Variants in ANKFN1 observed in about 807,000 individuals in gnomAD.
ANKFN1 encodes ankyrin repeat and fibronectin type-III domain-containing protein 1.
Under a neutral mutation model 108.7 loss-of-function variants are expected in ANKFN1, and 74 were observed. The observed-to-expected ratio is 0.68, with a 90% CI of 0.56 to 0.83. The LOEUF (loss-of-function observed/expected upper bound fraction) is 0.83, where lower values mean the gene tolerates loss of function less well. ANKFN1 is among the 40% of genes least tolerant of loss of function. The pLI is 0.00. For missense variants in ANKFN1, 1,505 were observed against 1,382.3 expected, an observed-to-expected ratio of 1.09 and a Z score of -1.41; for synonymous variants, 547 against 516.2, an observed-to-expected ratio of 1.06 and a Z score of -0.81.
chr17:56,409,230 T>A (rs2048015785), intron 8 of ANKFN1, among the ~76,000 whole-genome samples: 1 of 152,162 alleles, frequency 6.6e-6, no homozygotes, highest in Non-Finnish European at 1.5e-5. Context: ...TGGCCAAGAT[T>A]ATTTTTATGT....
rs2050067107 is a variant in ANKFN1, at chr17:56,466,208, C to T, written c.1558-148C>T. On this transcript the variant is annotated intron_variant, in intron 14 of 20. Transcript: ENST00000682825. Reference sequence around the variant, plus strand: ...TCTGTGAAGTACATGTCTATGATGCCATATATTCTAGGTTTAAGTGCAAAA... The same window carrying T: ...TCTGTGAAGTACATGTCTATGATGCTATATATTCTAGGTTTAAGTGCAAAA... 3 of 664,368 alleles carry T rather than the reference C, an allele frequency of 4.5e-6. No individual in the cohort carries two copies. In the Admixed American group the frequency reaches 8.5e-5, roughly 19 times the overall value. 41.2% of individuals were successfully genotyped at this position (664,368 alleles called of 1,614,324 possible).
intron 3 of ANKFN1, among the ~76,000 whole-genome samples, chr17:56,237,024 GT>G (rs1179658062): frequency 1.3e-5 from 2 of 152,070 alleles, no homozygotes; most frequent in Non-Finnish European, 2.9e-5. Flanking sequence ...TAATCATGTT[GT>G]TTTTGTCTTT....
intron 4 of ANKFN1, among the ~76,000 whole-genome samples, chr17:56,104,129 T>C (rs1013091599): frequency 6.6e-6 from 1 of 152,064 alleles, no homozygotes; most frequent in Admixed American, 6.6e-5. Flanking sequence ...AAAGCTGGAG[T>C]TGAAAGGAAA....
At chr17:56,436,455 G>C (rs1020701921) in intron 8 of ANKFN1, among the ~76,000 whole-genome samples, 1 of 152,134 alleles carries the variant, frequency 6.6e-6, no homozygotes, top group African/African-American at 2.4e-5. Context: ...GATTTTCTCA[G>C]GGTTTTAATG....
intron 3 of ANKFN1, among the ~76,000 whole-genome samples, chr17:56,280,368 A>G (rs759508538): frequency 6.6e-6 from 1 of 152,090 alleles, no homozygotes; most frequent in Non-Finnish European, 1.5e-5. Flanking sequence ...TTTGCTTCTT[A>G]AACTGGGATG....
chr17:56,280,217 C>T (rs555230702), intron 3 of ANKFN1, among the ~76,000 whole-genome samples: 6 of 151,938 alleles, frequency 3.9e-5, no homozygotes, highest in African/African-American at 7.2e-5. Flanking sequence ...TATATTTCTA[C>T]GTGTATCTGT....
chr17:56,495,338 A>T (rs62072895), intron 19 of ANKFN1, among the ~76,000 whole-genome samples: 3,955 of 76,794 alleles, frequency 0.052, 63 homozygotes, highest in Admixed American at 0.067. Context: ...TCTCTCTCTC[A>T]CTCACTCACT....
chr17:56,353,863 G>C lies in ANKFN1; in HGVS notation c.418G>C (p.Glu140Gln), dbSNP rs768185507. ...TTTCCAGGGCAATGAAGCCATGTTTGAGGCAGTCGAACAGCAGGACATGGA... is the reference window on the plus strand; with the variant it reads ...TTTCCAGGGCAATGAAGCCATGTTTCAGGCAGTCGAACAGCAGGACATGGA... ...VNFQGNEAMF[E>Q]AVEQQDMDAV... Residue 140 changes from glutamate (E) to glutamine (Q), a missense_variant, in exon 6 of 21, where the codon GAG (glutamate) becomes CAG (glutamine). By Grantham distance (29) the Glu-to-Gln change is conservative (BLOSUM62 2). Coordinates refer to ENST00000682825, the MANE Select transcript of ANKFN1 (RefSeq NM_001370326.1). 1 of 1,613,986 alleles carries C rather than the reference G, an allele frequency of 6.2e-7. No individual in the cohort carries two copies. Among genetic ancestry groups the C allele is most frequent in the South Asian group, 1.1e-5 (1 of 91,084 alleles).
intron 8 of ANKFN1, among the ~76,000 whole-genome samples, chr17:56,439,084 G>A (rs975825441): frequency 1.3e-5 from 2 of 152,180 alleles, no homozygotes; most frequent in African/African-American, 4.8e-5. Context: ...CAAAGCACAA[G>A]AATTTTAGGA....
chr17:56,350,470 G>A (rs12936796), intron 4 of ANKFN1, among the ~76,000 whole-genome samples: 10,759 of 152,152 alleles, frequency 0.071, 471 homozygotes, highest in South Asian at 0.11. Context: ...GACTTGAGTC[G>A]AGGTTCAATC....
chr17:56,383,971 C>A (rs764489368), intron 8 of ANKFN1, among the ~76,000 whole-genome samples: 15 of 152,322 alleles, frequency 9.8e-5, no homozygotes, highest in Non-Finnish European at 2.1e-4. Flanking sequence ...CTCTCTAAGT[C>A]ATTTTATGAG....
At chr17:56,386,798 T>C (rs73991487) in intron 8 of ANKFN1, among the ~76,000 whole-genome samples, 2,634 of 152,228 alleles carry the variant, frequency 0.017, 75 homozygotes, top group African/African-American at 0.06. Flanking sequence ...TGACATCTAC[T>C]GTAGGTTTCT....
At chr17:56,383,346 T>G (rs2047162218) in intron 8 of ANKFN1, among the ~76,000 whole-genome samples, 1 of 151,720 alleles carries the variant, frequency 6.6e-6, no homozygotes, top group East Asian at 1.9e-4. Flanking sequence ...AGAGGGAAAT[T>G]TATAGCACTA....
intron 12 of ANKFN1, 102 bp downstream of exon 12, chr17:56,457,062 A>G: frequency 8.0e-7 from 1 of 1,250,026 alleles, no homozygotes; most frequent in Non-Finnish European, 1.1e-6. Context: ...TGTTCAAAAC[A>G]ATAAAATTCA....
chr17:56,465,882 A>G (rs2050055407), intron 14 of ANKFN1, among the ~76,000 whole-genome samples: 1 of 152,208 alleles, frequency 6.6e-6, no homozygotes, highest in African/African-American at 2.4e-5. Flanking sequence ...GACCTGTACA[A>G]TGTGCTACAT....
At chr17:56,380,397 C>G (rs945195178) in intron 8 of ANKFN1, among the ~76,000 whole-genome samples, 5 of 152,130 alleles carry the variant, frequency 3.3e-5, no homozygotes, top group African/African-American at 1.2e-4. Context: ...TCTGAGGTAC[C>G]GTGTTCATCT....
chr17:56,172,267 GCA>G (rs942956602), intron 1 of ANKFN1, among the ~76,000 whole-genome samples: 1 of 152,090 alleles, frequency 6.6e-6, no homozygotes, highest in Non-Finnish European at 1.5e-5. Flanking sequence ...AGGCTGTGAT[GCA>G]CTATTCCTTT....
At chr17:56,056,163 C>T (rs1339415128) in intron 4 of ANKFN1, among the ~76,000 whole-genome samples, 1 of 151,818 alleles carries the variant, frequency 6.6e-6, no homozygotes, top group Non-Finnish European at 1.5e-5. Context: ...TATTTTCTTC[C>T]ATTCTGTTGG....
chr17:56,449,066 T>C lies in ANKFN1; in HGVS notation c.1100-13T>C. Reference sequence around the variant, plus strand: ...TTTAAAATTTCACTATGTTTATTTCTTTTGTTCAATAGACTGGAAAGACTA... The same window carrying C: ...TTTAAAATTTCACTATGTTTATTTCCTTTGTTCAATAGACTGGAAAGACTA... On this transcript the variant is annotated splice_polypyrimidine_tract_variant and intron_variant, in intron 10 of 20. Coordinates refer to ENST00000682825, the MANE Select transcript of ANKFN1 (RefSeq NM_001370326.1). 1 of 1,609,630 alleles carries C rather than the reference T, an allele frequency of 6.2e-7. No individual in the cohort carries two copies. The highest frequency in any genetic ancestry group is 8.5e-7 in the Non-Finnish European group (1 of 1,176,528).
Sources: gnomAD v4.1 joint callset for allele counts (sites outside exome capture counted in the v4.1 genomes callset) on GRCh38, gnomAD v4.1.1 for gene constraint, MANE v1.5 for transcripts, NCBI Gene and HGNC (gene_info 2026-07-23, HGNC 2026-07-21) for gene names.